The following CHD2 variants were observed in gnomAD, a reference collection of about 807,000 sequenced individuals.
The protein encoded by CHD2 is chromodomain helicase DNA binding protein 2.
CHD2 carries 28 observed loss-of-function variants against 243.9 expected under a neutral mutation model. The observed-to-expected ratio is 0.11, with a 90% CI of 0.09 to 0.16. The LOEUF is 0.16. Ranked by LOEUF, CHD2 falls within the 10% of genes least tolerant of loss-of-function variation. The pLI is 1.00. For missense variants in CHD2, 1,386 were observed against 2,209.8 expected (o/e 0.63, Z 7.47); for synonymous variants, 775 against 779.0 (o/e 0.99, Z 0.09).
At chr15:92,981,213 G>A (rs879227655) in intron 23 of CHD2, 152 bp from the exon 24 acceptor site, 9 of 606,710 alleles carry the variant, frequency 1.5e-5, no homozygotes, top group South Asian at 1.5e-4. Context: ...TGTAAAAGAT[G>A]TAGAGTTGAA....
chr15:92,910,802 C>G (rs920278628), intron 2 of CHD2, among the ~76,000 whole-genome samples: 1 of 152,160 alleles, frequency 6.6e-6, no homozygotes. Flanking sequence ...GTTGTACGGT[C>G]ATGTGTTGCT....
chr15:92,929,142 A>G, intron 5 of CHD2, 51 bp downstream of exon 5: 2 of 1,533,342 alleles, frequency 1.3e-6, no homozygotes, highest in East Asian at 2.4e-5. Context: ...CAAACTTGTC[A>G]GCATTTCTAG....
intron 8 of CHD2, among the ~76,000 whole-genome samples, chr15:92,942,172 GTT>G (rs1375625770): frequency 1.3e-5 from 2 of 152,172 alleles, no homozygotes; most frequent in African/African-American, 4.8e-5. Context: ...AAGTGTCAAT[GTT>G]TTATAAAGCA....
chr15:92,993,696 A>C (rs1424358851), intron 28 of CHD2, among the ~76,000 whole-genome samples: 2 of 152,230 alleles, frequency 1.3e-5, no homozygotes, highest in African/African-American at 4.8e-5. Context: ...TAATCCCAGC[A>C]GTTTGGGAGG....
chr15:93,001,191 C>T (rs556434411), intron 32 of CHD2, among the ~76,000 whole-genome samples: 2 of 152,106 alleles, frequency 1.3e-5, no homozygotes, highest in African/African-American at 2.4e-5. Flanking sequence ...TGATAAATGG[C>T]GATTGACACG....
chr15:92,940,173 G>C (rs977074077), intron 7 of CHD2, among the ~76,000 whole-genome samples: 3 of 152,192 alleles, frequency 2.0e-5, no homozygotes, highest in Non-Finnish European at 2.9e-5. Context: ...AGTGAAATAG[G>C]CCAGGCTCAG....
intron 28 of CHD2, among the ~76,000 whole-genome samples, chr15:92,994,538 A>G (rs1032213516): frequency 7.2e-5 from 11 of 152,188 alleles, no homozygotes; most frequent in Non-Finnish European, 1.5e-4. Flanking sequence ...GGTTTGCAAA[A>G]TGATCTGAAT....
chr15:92,997,590 A>G lies in CHD2; in HGVS notation c.3885+187A>G. The G allele has an allele frequency of 2.1e-6, 1 of 474,684 alleles. No homozygotes were observed. Among genetic ancestry groups the G allele is most frequent in the Non-Finnish European group, 3.4e-6 (1 of 291,148 alleles). The allele number at this position is 474,684 out of a possible 1,614,324, so 29.4% of individuals were successfully genotyped here. A position where few individuals can be genotyped will look rare whatever the true frequency, so the allele number is the denominator to read the frequency against. ...ACGGATGAAGATAAAGGGAAAAGAC[A>G]GTAGCCAGGTGAAATTTTGGGGAAA... On this transcript the variant is annotated intron_variant, in intron 30 of 38. Coordinates refer to ENST00000394196, the MANE Select transcript of CHD2 (RefSeq NM_001271.4). This position sits in a 1 kb window ranked among gnomAD's most constrained non-coding sequence, Gnocchi z 4.1.
intron 13 of CHD2, among the ~76,000 whole-genome samples, chr15:92,951,033 A>T (rs1189685058): frequency 6.6e-6 from 1 of 152,204 alleles, no homozygotes; most frequent in Non-Finnish European, 1.5e-5. Context: ...GACAGTTAAT[A>T]AAAGTTAGAT....
intron 16 of CHD2, among the ~76,000 whole-genome samples, chr15:92,961,048 A>G (rs1190475509): frequency 1.3e-5 from 2 of 151,974 alleles, no homozygotes; most frequent in Non-Finnish European, 2.9e-5. Context: ...TATTTTAATT[A>G]GGATTTTAGT....
At chr15:93,020,466 A>G (rs1454811498) in intron 38 of CHD2, 2 of 651,716 alleles carry the variant, frequency 3.1e-6, no homozygotes, top group Non-Finnish European at 5.2e-6. Flanking sequence ...CTGTGCAGGA[A>G]AAGAGTTTTC....
intron 9 of CHD2, 37 bp from the exon 10 acceptor site, chr15:92,944,378 A>G: frequency 8.1e-7 from 1 of 1,234,876 alleles, no homozygotes; most frequent in Non-Finnish European, 1.2e-6. Context: ...CCCAGACTTT[A>G]GTTTATGTGT....
intron 19 of CHD2, 81 bp downstream of exon 19, chr15:92,972,498 G>A: frequency 1.6e-6 from 2 of 1,229,958 alleles, no homozygotes; most frequent in Non-Finnish European, 2.2e-6. Context: ...ACACTGGGTT[G>A]TATGCTTTGC....
intron 5 of CHD2, among the ~76,000 whole-genome samples, chr15:92,936,454 T>C (rs2053268989): frequency 6.6e-6 from 1 of 152,210 alleles, no homozygotes; most frequent in South Asian, 2.1e-4. Context: ...CTCTTCTCTG[T>C]AGGTGAGAAA....
chr15:92,972,128 G>A (rs1006294629), intron 18 of CHD2, 137 bp from the exon 19 acceptor site: 88 of 1,038,566 alleles, frequency 8.5e-5, no homozygotes, highest in Non-Finnish European at 1.2e-4. Flanking sequence ...AGAACATTTC[G>A]GGAATTGCTG....
At position 92,991,630 on chromosome 15, in the gene CHD2, C is replaced by T; in HGVS notation, c.3455+113C>T. The stretch of plus-strand genomic sequence containing the variant: ...ACTAATGCTGGGAACATTTTTTTTT[C>T]TGGAAACATTTATTTACAAACATTT... On this transcript the variant is annotated intron_variant, in intron 27 of 38. Coordinates refer to ENST00000394196, the MANE Select transcript of CHD2 (RefSeq NM_001271.4). The T allele has an allele frequency of 6.0e-6, 4 of 664,664 alleles. No individual in the cohort carries two copies. In the South Asian group the frequency reaches 9.1e-5, roughly 15 times the overall value. The allele number at this position is 664,664 out of a possible 1,614,324, so 41.2% of individuals were successfully genotyped here.
At chr15:93,023,621 G>A (rs2054558592) in intron 38 of CHD2, among the ~76,000 whole-genome samples, 3 of 151,138 alleles carry the variant, frequency 2.0e-5, no homozygotes, top group Middle Eastern at 3.5e-3. Context: ...CCAGCAATGT[G>A]TAAGAGTTGA....
At chr15:93,006,746 G>A (rs546321672) in intron 34 of CHD2, among the ~76,000 whole-genome samples, 1 of 152,128 alleles carries the variant, frequency 6.6e-6, no homozygotes. Flanking sequence ...ATTGTCCTAC[G>A]TAGCCTCCCA....
At chr15:93,001,385 T>C (rs2054254083) in intron 32 of CHD2, among the ~76,000 whole-genome samples, 1 of 152,222 alleles carries the variant, frequency 6.6e-6, no homozygotes, top group Non-Finnish European at 1.5e-5. Context: ...TATCATTTAG[T>C]GTGCTATTTC....
Sources: allele counts gnomAD v4.1 joint callset (sites outside exome capture counted in the v4.1 genomes callset), GRCh38; gene constraint gnomAD v4.1.1; non-coding constraint Gnocchi (gnomAD v3.1); transcripts MANE v1.5; gene names NCBI Gene and HGNC (gene_info 2026-07-23, HGNC 2026-07-21).